The following NF1 variants were observed in gnomAD, a reference collection of about 807,000 sequenced individuals.
The protein encoded by NF1 is neurofibromin 1, also known as neurofibromin.
A neutral mutation model predicts 325.7 loss-of-function variants in NF1; 122 were observed. The observed-to-expected ratio is 0.37, with a 90% confidence interval of 0.32 to 0.44. The LOEUF is 0.44. NF1 is among the 20% of genes least tolerant of loss of function. NF1 has a pLI of 1.00. For synonymous variants in NF1, 1,091 were observed against 1,186.0 expected, an observed-to-expected ratio of 0.92 and a Z score of 1.65; for missense variants, 2,140 against 3,415.4, an observed-to-expected ratio of 0.63 and a Z score of 9.31.
At chr17:31,171,514 A>G (rs2065928072) in intron 5 of NF1, among the ~76,000 whole-genome samples, 1 of 152,224 alleles carries the variant, frequency 6.6e-6, no homozygotes, top group Non-Finnish European at 1.5e-5. Context: ...AACAATAGAA[A>G]TGTTCAATCC....
intron 16 of NF1, 27 bp from the exon 17 acceptor site, chr17:31,225,068 A>G: frequency 6.2e-7 from 1 of 1,607,218 alleles, no homozygotes; most frequent in Middle Eastern, 1.7e-4. Flanking sequence ...GTGCTTCAGT[A>G]AAGCTTATTT....
chr17:31,132,758 C>G (rs1393656460), intron 1 of NF1, among the ~76,000 whole-genome samples: 3 of 151,980 alleles, frequency 2.0e-5, no homozygotes, highest in Non-Finnish European at 4.4e-5. Flanking sequence ...CATTTGCCTC[C>G]CGAGTTCAAG....
intron 1 of NF1, among the ~76,000 whole-genome samples, chr17:31,118,060 TG>T (rs1914106113): frequency 1.3e-5 from 2 of 152,218 alleles, no homozygotes; most frequent in African/African-American, 2.4e-5. Flanking sequence ...AATACATGGT[TG>T]TTTTTTAAAC....
chr17:31,299,972 A>G (rs1311846492), intron 36 of NF1, among the ~76,000 whole-genome samples: 2 of 152,074 alleles, frequency 1.3e-5, no homozygotes, highest in Admixed American at 6.5e-5. Context: ...GCTCATTTGC[A>G]TCATCTCACA....
rs2151430707 is a variant in NF1 at position 31,229,921 on chromosome 17, C to T, written c.2937C>T (p.Ser979=). 1 of 1,611,818 alleles carries T rather than the reference C, an allele frequency of 6.2e-7. No homozygotes were observed. Among genetic ancestry groups the T allele is most frequent in the East Asian group, 2.2e-5 (1 of 44,858 alleles). The stretch of plus-strand genomic sequence containing the variant: ...TGCTAGATAATCATACTGAAGGCAG[C>T]TCTGAACATCTAGGGCAAGCTAGCA... ...KNLLDNHTEG[S]SEHLGQASIE... Residue 979 remains serine, a synonymous_variant, in exon 22 of 58, where the codon AGC becomes AGT. Coordinates refer to ENST00000358273, the MANE Select transcript of NF1 (RefSeq NM_001042492.3).
chr17:31,352,168 G>A (rs2151576591), intron 50 of NF1, 89 bp from the exon 51 acceptor site: 1 of 1,238,314 alleles, frequency 8.1e-7, no homozygotes, highest in Non-Finnish European at 1.2e-6. Flanking sequence ...GCTGTTGTTA[G>A]GAAATAGGAC....
chr17:31,248,959 G>C (rs2151451223), intron 29 of NF1, 25 bp from the exon 30 acceptor site: 1 of 1,612,274 alleles, frequency 6.2e-7, no homozygotes. Flanking sequence ...AAAAGTGTTA[G>C]GATTTTATTT....
intron 27 of NF1, among the ~76,000 whole-genome samples, chr17:31,234,069 A>G (rs1367761218): frequency 2.6e-5 from 4 of 152,044 alleles, no homozygotes; most frequent in Admixed American, 6.5e-5. Context: ...TGCTGCCACC[A>G]CCTGAAATGC....
chr17:31,200,034 G>T (rs1195685251), intron 8 of NF1, among the ~76,000 whole-genome samples: 1 of 151,958 alleles, frequency 6.6e-6, no homozygotes, highest in Non-Finnish European at 1.5e-5. Flanking sequence ...TACTCTGGAG[G>T]CTGAGGCGGG....
intron 1 of NF1, among the ~76,000 whole-genome samples, chr17:31,142,991 A>G (rs1348741447): frequency 6.6e-6 from 1 of 152,178 alleles, no homozygotes; most frequent in Non-Finnish European, 1.5e-5. Flanking sequence ...TAGGCAAGAC[A>G]ACCTGATCTG....
At chr17:31,176,932 G>A (rs758215340) in intron 5 of NF1, among the ~76,000 whole-genome samples, 19 of 152,128 alleles carry the variant, frequency 1.2e-4, no homozygotes, top group Non-Finnish European at 2.4e-4. Context: ...TTGAAGTCAG[G>A]TAGTGTGATT....
chr17:31,340,759 G>A, intron 47 of NF1, 114 bp downstream of exon 47: 2 of 1,052,834 alleles, frequency 1.9e-6, no homozygotes, highest in East Asian at 5.7e-5. Flanking sequence ...GTAGGAATTT[G>A]TATAATGTAA....
rs565793768 is a variant in NF1, at chr17:31,243,170, GTC to G, written c.3975-5804_3975-5803del. 6.7e-5 allele frequency among the ~76,000 whole-genome samples: 10 copies of G among 148,834 alleles called. No individual in the cohort carries two copies. The South Asian group carries it at 1.0e-3, about 16-fold the overall frequency. The stretch of plus-strand genomic sequence containing the variant: ...ACTTTCCTCTAAACAAACAGAGTCA[GTC>G]TCTCTCTCTGTCTGTGTGTGTGTGT... On this transcript the variant is annotated intron_variant, in intron 29 of 57. Coordinates refer to ENST00000358273, the MANE Select transcript of NF1 (RefSeq NM_001042492.3).
In NF1 at chr17:31,327,234, T is replaced by C. The variant is rs143925431; in HGVS notation, c.5269-265T>C. Among the ~76,000 whole-genome samples the C allele has an allele frequency of 4.5e-3, 687 of 152,306 alleles. 6 individuals are homozygous for C. The highest frequency in any genetic ancestry group is 0.016 in the African/African-American group (658 of 41,566). On this transcript the variant is annotated intron_variant, in intron 37 of 57. Transcript: ENST00000358273. ...ACCTCGGCCTCCCAAAGTGCTGGGA[T>C]TACAGGGATGAGCCACTGCACCCGG...
At chr17:31,236,652 TC>T (rs2067209611) in intron 29 of NF1, among the ~76,000 whole-genome samples, 1 of 151,258 alleles carries the variant, frequency 6.6e-6, no homozygotes, top group African/African-American at 2.4e-5. Flanking sequence ...TGTTTCACCA[TC>T]TTGGCCAGGC....
intron 1 of NF1, 133 bp downstream of exon 1, chr17:31,095,502 A>G (rs1911587932): frequency 2.1e-6 from 1 of 469,442 alleles, no homozygotes; most frequent in Admixed American, 4.1e-5. Context: ...AGGGAAGAGA[A>G]GGGAAGGGGG....
At chr17:31,210,626 G>A (rs2066713319) in intron 12 of NF1, among the ~76,000 whole-genome samples, 1 of 151,908 alleles carries the variant, frequency 6.6e-6, no homozygotes, top group Non-Finnish European at 1.5e-5. Flanking sequence ...TCCTGTTTCT[G>A]ATTTGCTTCT....
At position 31,258,450 on chromosome 17, in the gene NF1, T is replaced by C. The variant is rs1177433867; in HGVS notation, c.4280T>C (p.Leu1427Ser). ...GTCTCACCGTATGAAGCAGGGATTT[T>C]AGATAAAAAGCCACCACCTAGAATC... ...AIVSPYEAGI[L>S]DKKPPPRIER... The change falls in exon 32 of 58, where the codon TTA becomes TCA. Residue 1427 changes from leucine (L) to serine (S), a missense_variant. Around this residue, in one of 10 missense-constraint regions of NF1, gnomAD observed 336 missense variants for 399.0 expected, o/e 0.84. Coordinates refer to ENST00000358273, the MANE Select transcript of NF1 (RefSeq NM_001042492.3). 2 of 1,613,920 alleles carry C rather than the reference T, an allele frequency of 1.2e-6. No individual in the cohort carries two copies. Among genetic ancestry groups the C allele is most frequent in the Non-Finnish European group, 1.7e-6 (2 of 1,179,934 alleles).
intron 47 of NF1, among the ~76,000 whole-genome samples, chr17:31,341,521 T>C (rs938376034): frequency 1.3e-5 from 2 of 151,620 alleles, no homozygotes; most frequent in Non-Finnish European, 2.9e-5. Context: ...AGACCCTGTC[T>C]CCAAAAAAAA....
Sources: gnomAD v4.1 joint callset for allele counts (sites outside exome capture counted in the v4.1 genomes callset) on GRCh38, gnomAD v4.1.1 for gene constraint, gnomAD v4.1.1 regional missense constraint, MANE v1.5 for transcripts, NCBI Gene and HGNC (gene_info 2026-07-23, HGNC 2026-07-21) for gene names.